CNR1: variants seen among roughly 807,000 people sequenced by gnomAD.
CNR1 encodes the protein cannabinoid receptor 1 (brain).
Under a neutral mutation model 23.0 loss-of-function variants are expected in CNR1, and 10 were observed. That is an observed-to-expected ratio of 0.43 (90% CI 0.27 to 0.74). The LOEUF is 0.74. Among genes scored for constraint, CNR1 ranks in the 30% least tolerant of loss-of-function variants. CNR1 has a pLI of 0.19. For synonymous variants in CNR1, 271 were observed against 255.2 expected (o/e 1.06, Z -0.59); for missense variants, 422 against 618.8 (o/e 0.68, Z 3.37).
At chr6:88,162,958 C>G (rs1474874556) in intron 1 of CNR1, 1 of 152,224 alleles carries the variant, frequency 6.6e-6, no homozygotes, top group African/African-American at 2.4e-5. Context: ...CAGACTTACA[C>G]TGGTGGAGGC....
chr6:88,159,982 C>CT (rs891135460), intron 1 of CNR1, among the ~76,000 whole-genome samples: 81 of 147,324 alleles, frequency 5.5e-4, no homozygotes, highest in Admixed American at 1.4e-3. Flanking sequence ...CCTAAATGAT[C>CT]TTTTTTTTTT....
At chr6:88,162,767 C>T (rs761538296) in intron 1 of CNR1, among the ~76,000 whole-genome samples, 6 of 152,154 alleles carry the variant, frequency 3.9e-5, no homozygotes, top group Non-Finnish European at 8.8e-5. Flanking sequence ...AGCAGGCTGC[C>T]TCTCAAAATA....
At chr6:88,162,294 T>C (rs1251293042) in intron 1 of CNR1, among the ~76,000 whole-genome samples, 1 of 152,250 alleles carries the variant, frequency 6.6e-6, no homozygotes, top group East Asian at 1.9e-4. Context: ...AATTTTTATT[T>C]CAGTCATGAT....
In CNR1 at chr6:88,144,879, C is replaced by T. The variant is rs1325474256; in HGVS notation, c.396G>A (p.Leu132=). Residue 132 remains leucine (L), a synonymous_variant, in exon 2 of 2, where the codon CTG becomes CTA. Coordinates refer to ENST00000369501, the MANE Select transcript of CNR1 (RefSeq NM_016083.6). The surrounding 1 kb of genome is among the most constrained non-coding windows in gnomAD (Gnocchi z 7.8). ...TGACGCACAGCACCAGGAGGTTCTC[C>T]AGGACCGTGAAGGTGCCCAGCGTGA... The part of the protein sequence containing the change: ...LSLTLGTFTV[L]ENLLVLCVIL... The T allele has an allele frequency of 6.2e-7, 1 of 1,614,048 alleles. No individual in the cohort carries two copies. The highest frequency in any genetic ancestry group is 8.5e-7 in the Non-Finnish European group (1 of 1,180,018).
At chr6:88,149,799 C>T (rs146436332) in intron 1 of CNR1, among the ~76,000 whole-genome samples, 5 of 152,326 alleles carry the variant, frequency 3.3e-5, no homozygotes, top group Middle Eastern at 3.4e-3. Flanking sequence ...ACTAGTTCCC[C>T]AGCACATCCC....
intron 1 of CNR1, among the ~76,000 whole-genome samples, chr6:88,156,134 T>C (rs1226036012): frequency 6.6e-6 from 1 of 152,212 alleles, no homozygotes; most frequent in African/African-American, 2.4e-5. Context: ...AGACAAATTA[T>C]ATAAACGTTG....
At chr6:88,158,378 T>C (rs1562515052) in intron 1 of CNR1, among the ~76,000 whole-genome samples, 1 of 152,164 alleles carries the variant, frequency 6.6e-6, no homozygotes, top group Non-Finnish European at 1.5e-5. Context: ...CATATTGAAT[T>C]AGTAAATAAG....
chr6:88,165,642 C>T (rs1778331911), intron 1 of CNR1, among the ~76,000 whole-genome samples, 161 bp downstream of exon 1: 1 of 152,214 alleles, frequency 6.6e-6, no homozygotes, highest in Non-Finnish European at 1.5e-5. Flanking sequence ...GAACAGATCA[C>T]AGTTAACAGG....
chr6:88,145,822 T>G (rs1023056634), intron 1 of CNR1, among the ~76,000 whole-genome samples: 2 of 152,172 alleles, frequency 1.3e-5, no homozygotes, highest in Non-Finnish European at 2.9e-5. Flanking sequence ...TGAGACTAAA[T>G]GTAAAAGACA....
upstream of CNR1, among the ~76,000 whole-genome samples, chr6:88,167,269 G>GGGGAGCCGCGGTGTGCTC (rs1778405287): frequency 6.6e-6 from 1 of 152,158 alleles, no homozygotes. Flanking sequence ...GCGGGCGCCT[G>GGGGAGCCGCGGTGTGCTC]GGGAGCCGCG....
intron 1 of CNR1, chr6:88,162,817 TCAAA>T (rs1173233250): frequency 6.6e-6 from 1 of 152,236 alleles, no homozygotes. Context: ...GCACAGTGTT[TCAAA>T]CAATGTTGGG....
rs1196642981 is a variant in CNR1 at position 88,140,787 on chromosome 6, A to G, written c.*3069T>C. The G allele has an allele frequency of 6.6e-6, 1 of 152,352 alleles. No homozygotes were observed. Among genetic ancestry groups the G allele is most frequent in the East Asian group, 1.9e-4 (1 of 5,342 alleles). 9.4% of individuals were successfully genotyped at this position (152,352 alleles called of 1,614,324 possible). A position where few individuals can be genotyped will look rare whatever the true frequency, so the allele number is the denominator to read the frequency against. ...AAAGGTCCTTGGCATTTAATACCAG[A>G]TAGACTTAACTCAAAGTGCCAGAGA... On this transcript the variant is annotated 3_prime_UTR_variant, in exon 2 of 2. Coordinates refer to ENST00000369501, the MANE Select transcript of CNR1 (RefSeq NM_016083.6).
intron 1 of CNR1, among the ~76,000 whole-genome samples, chr6:88,153,867 A>G (rs62417862): frequency 0.035 from 5,299 of 152,338 alleles, 108 homozygotes; most frequent in South Asian, 0.054. Context: ...TTTCCACTCC[A>G]GTTGAATGGG....
At chr6:88,151,108 T>C (rs551941116) in intron 1 of CNR1, among the ~76,000 whole-genome samples, 1 of 152,292 alleles carries the variant, frequency 6.6e-6, no homozygotes, top group South Asian at 2.1e-4. Context: ...TATTTCACAA[T>C]GGCCCTATGA....
At chr6:88,165,209 G>A (rs909718775) in intron 1 of CNR1, among the ~76,000 whole-genome samples, 2 of 152,128 alleles carry the variant, frequency 1.3e-5, no homozygotes, top group African/African-American at 4.8e-5. Context: ...TTTATGATTT[G>A]TAAGCCTTAA....
Position 88,143,854 on chromosome 6 carries a change from G to A in CNR1, c.*2C>T. On this transcript the variant is annotated 3_prime_UTR_variant, in exon 2 of 2. Transcript: ENST00000369501. ...TCCTGTGCTGCCAGGGAGGCATCAG[G>A]CTCACAGAGCCTCGGCAGACGTGTC... The A allele has an allele frequency of 6.2e-7, 1 of 1,610,626 alleles. No individual in the cohort carries two copies. The highest frequency in any genetic ancestry group is 8.5e-7 in the Non-Finnish European group (1 of 1,177,238).
At chr6:88,155,283 A>T (rs1055616642) in intron 1 of CNR1, among the ~76,000 whole-genome samples, 3 of 152,268 alleles carry the variant, frequency 2.0e-5, no homozygotes, top group African/African-American at 7.2e-5. Context: ...ATTTGGGTAA[A>T]TGCACAATAG....
Position 88,143,838 on chromosome 6 carries a change from G to A in CNR1, c.*18C>T. 2.5e-6 allele frequency: 4 copies of A among 1,595,442 alleles called. No individual in the cohort carries two copies. Among genetic ancestry groups the A allele is most frequent in the Non-Finnish European group, 3.4e-6 (4 of 1,165,786 alleles). On this transcript the variant is annotated 3_prime_UTR_variant, in exon 2 of 2. Transcript: ENST00000369501. ...AAAAAAAAAATTCTTTTCCTGTGCTGCCAGGGAGGCATCAGGCTCACAGAG... is the reference window on the plus strand; with the variant it reads ...AAAAAAAAAATTCTTTTCCTGTGCTACCAGGGAGGCATCAGGCTCACAGAG...
At chr6:88,148,528 G>A in intron 1 of CNR1, among the ~76,000 whole-genome samples, 1 of 152,028 alleles carries the variant, frequency 6.6e-6, no homozygotes. Flanking sequence ...CCCAAAGAAG[G>A]GGAAGGATTC....
Sources: allele counts gnomAD v4.1 joint callset (sites outside exome capture counted in the v4.1 genomes callset), GRCh38; gene constraint gnomAD v4.1.1; non-coding constraint Gnocchi (gnomAD v3.1); transcripts MANE v1.5; gene names NCBI Gene and HGNC (gene_info 2026-07-23, HGNC 2026-07-21).